The following IRF8 variants were observed in gnomAD, a reference collection of about 807,000 sequenced individuals.
IRF8 encodes interferon regulatory factor 8, also known as interferon consensus sequence binding protein 1.
Under a neutral mutation model 48.7 loss-of-function variants are expected in IRF8, and 14 were observed. That is an observed-to-expected ratio of 0.29 (90% confidence interval 0.19 to 0.45). The LOEUF is 0.45. Among genes scored for constraint, IRF8 ranks in the 20% least tolerant of loss-of-function variants. The probability of loss-of-function intolerance (pLI) is 1.00; values close to 1 mark genes in which losing one functional copy is unlikely to be tolerated. For synonymous variants in IRF8, 278 were observed against 227.3 expected (o/e 1.22, Z -2.01); for missense variants, 493 against 580.7 (o/e 0.85, Z 1.55).
Position 85,920,194 on chromosome 16 carries a change from C to A in IRF8, c.1074C>A (p.Ala358=). 1 of 1,612,074 alleles carries A rather than the reference C, an allele frequency of 6.2e-7. No homozygotes were observed. Among genetic ancestry groups the A allele is most frequent in the South Asian group, 1.1e-5 (1 of 91,038 alleles). The change falls in exon 8 of 9, where the codon GCC becomes GCA. Residue 358 remains alanine, a synonymous_variant. Transcript: ENST00000268638. The part of the protein sequence containing the change: ...LCFGEEFPDM[A]PLRSKLILVQ... ...TTGGGGAAGAGTTTCCGGATATGGCCCCCTTGCGCTCCAAACTCATTCTCG... is the reference window on the plus strand; with the variant it reads ...TTGGGGAAGAGTTTCCGGATATGGCACCCTTGCGCTCCAAACTCATTCTCG...
intron 1 of IRF8, among the ~76,000 whole-genome samples, chr16:85,899,810 T>C (rs1904769184): frequency 6.6e-6 from 1 of 152,222 alleles, no homozygotes. Context: ...AAGCATTGTT[T>C]GAAAAAATTT....
chr16:85,904,434 A>C (rs1904926242), intron 2 of IRF8, among the ~76,000 whole-genome samples: 1 of 152,204 alleles, frequency 6.6e-6, no homozygotes, highest in African/African-American at 2.4e-5. Flanking sequence ...AAATGACAAA[A>C]GATCACACCT....
chr16:85,914,538 C>G lies in IRF8; in HGVS notation c.601+18C>G, dbSNP rs751750587. On this transcript the variant is annotated intron_variant, in intron 6 of 8. Transcript: ENST00000268638. ...CCATTCAGGTACGGGGTGGTCCGGGCTGAGAGGGGCGTGGGCACTGTTTGA... is the reference window on the plus strand; with the variant it reads ...CCATTCAGGTACGGGGTGGTCCGGGGTGAGAGGGGCGTGGGCACTGTTTGA... 1.2e-6 allele frequency: 2 copies of G among 1,613,882 alleles called. No homozygotes were observed. Among genetic ancestry groups the G allele is most frequent in the South Asian group, 1.1e-5 (1 of 91,086 alleles).
In IRF8 at chr16:85,903,203, C is replaced by T. The variant is rs1486129386; in HGVS notation, c.174+14C>T. On this transcript the variant is annotated intron_variant, in intron 2 of 8. Coordinates refer to ENST00000268638, the MANE Select transcript of IRF8 (RefSeq NM_002163.4). ...TCCATTTTTAAGGTAAAGAGCCCAG[C>T]TCCCTTCCCCACTGTGGGCACAGTG... 4 of 1,609,714 alleles carry T rather than the reference C, an allele frequency of 2.5e-6. No homozygotes were observed. The African/African-American group carries it at 5.3e-5, about 22-fold the overall frequency.
At position 85,922,188 on chromosome 16, in the gene IRF8, G is replaced by A. The variant is rs773593984; in HGVS notation, c.*906G>A. 6.6e-6 allele frequency: 1 copy of A among 152,394 alleles called. No homozygotes were observed. Among genetic ancestry groups the A allele is most frequent in the African/African-American group, 2.4e-5 (1 of 41,462 alleles). The allele number at this position is 152,394 out of a possible 1,614,324, so 9.4% of individuals were successfully genotyped here. On this transcript the variant is annotated 3_prime_UTR_variant, in exon 9 of 9. Transcript: ENST00000268638. ...CATTTTGAGAAGGTGGAAGGTGTTA[G>A]GGTTTGGGAGACAGCTCATCCAATC...
chr16:85,905,403 A>G (rs771933391), intron 2 of IRF8, among the ~76,000 whole-genome samples: 4 of 152,194 alleles, frequency 2.6e-5, no homozygotes, highest in African/African-American at 4.8e-5. Context: ...ATCTTATGCA[A>G]TGTTCTTCAT....
chr16:85,914,528 G>GTGGTCCGGGC lies in IRF8; in HGVS notation c.601+11_601+20dup. 1 of 1,614,080 alleles carries GTGGTCCGGGC rather than the reference G, an allele frequency of 6.2e-7. No individual in the cohort carries two copies. On this transcript the variant is annotated intron_variant, in intron 6 of 8. Coordinates refer to ENST00000268638, the MANE Select transcript of IRF8 (RefSeq NM_002163.4). Reference sequence around the variant, plus strand: ...ACGACGCGCACCATTCAGGTACGGGGTGGTCCGGGCTGAGAGGGGCGTGGG... The same window carrying GTGGTCCGGGC: ...ACGACGCGCACCATTCAGGTACGGGGTGGTCCGGGCTGGTCCGGGCTGAGAGGGGCGTGGG...
At chr16:85,908,198 T>C (rs1905056942) in intron 2 of IRF8, among the ~76,000 whole-genome samples, 1 of 152,248 alleles carries the variant, frequency 6.6e-6, no homozygotes, top group Admixed American at 6.5e-5. Flanking sequence ...AAGATAATTC[T>C]CATCTGACTG....
intron 1 of IRF8, among the ~76,000 whole-genome samples, chr16:85,901,511 A>C (rs1904825207): frequency 1.3e-5 from 2 of 152,112 alleles, no homozygotes; most frequent in Non-Finnish European, 2.9e-5. Context: ...CCAGGTACTC[A>C]AGGGGCTGAG....
intron 1 of IRF8, among the ~76,000 whole-genome samples, chr16:85,899,716 C>G (rs542719721): frequency 1.3e-5 from 2 of 152,308 alleles, no homozygotes; most frequent in South Asian, 2.1e-4. Flanking sequence ...ATTAAGATTT[C>G]TGAGTCTGGC....
intron 6 of IRF8, among the ~76,000 whole-genome samples, chr16:85,916,960 G>A (rs1381522736): frequency 2.0e-5 from 3 of 152,214 alleles, no homozygotes; most frequent in African/African-American, 7.2e-5. Context: ...GTGGACCAGA[G>A]CTTCTGCAGC....
intron 2 of IRF8, among the ~76,000 whole-genome samples, chr16:85,907,422 G>T (rs1269824424): frequency 6.6e-6 from 1 of 152,254 alleles, no homozygotes; most frequent in African/African-American, 2.4e-5. Context: ...GCTCACGCCT[G>T]TAAGCCCAGC....
chr16:85,899,763 T>C (rs137986356), intron 1 of IRF8, among the ~76,000 whole-genome samples: 1 of 152,354 alleles, frequency 6.6e-6, no homozygotes, highest in Non-Finnish European at 1.5e-5. Context: ...CCAGTCGTCC[T>C]TGGCAAGAGA....
rs371287033 is a variant in IRF8 at position 85,914,808 on chromosome 16, G to C, written c.601+288G>C. Among the ~76,000 whole-genome samples the C allele has an allele frequency of 7.2e-5, 11 of 152,038 alleles. No homozygotes were observed. The East Asian group carries it at 1.9e-3, about 27-fold the overall frequency. ...GGACCTCGTGTGGAAGTCTAGGCCC[G>C]GTTCTGAGGATGAGCAGGACCTGGT... is the stretch of plus-strand genomic sequence containing the variant. On this transcript the variant is annotated intron_variant, in intron 6 of 8. Transcript: ENST00000268638.
chr16:85,919,745 A>C (rs1905473527), intron 7 of IRF8, among the ~76,000 whole-genome samples: 1 of 152,106 alleles, frequency 6.6e-6, no homozygotes, highest in African/African-American at 2.4e-5. Flanking sequence ...TGGCTGTCAG[A>C]GATTCGGGTG....
Position 85,919,987 on chromosome 16 carries a change from C to T in IRF8, c.989-122C>T, listed in dbSNP as rs1433626044. 4 of 764,998 alleles carry T rather than the reference C, an allele frequency of 5.2e-6. No homozygotes were observed. The East Asian group carries it at 8.0e-5, about 15-fold the overall frequency. The allele number at this position is 764,998 out of a possible 1,614,324, so 47.4% of individuals were successfully genotyped here. A position where few individuals can be genotyped will look rare whatever the true frequency, so the allele number is the denominator to read the frequency against. ...GCCCAAGGGCCACCAGTTTGAGATCCCATGGTGCCCTGGCCTAAATGCTAC... is the reference window on the plus strand; with the variant it reads ...GCCCAAGGGCCACCAGTTTGAGATCTCATGGTGCCCTGGCCTAAATGCTAC... On this transcript the variant is annotated intron_variant, in intron 7 of 8. Coordinates refer to ENST00000268638, the MANE Select transcript of IRF8 (RefSeq NM_002163.4).
At chr16:85,918,184 C>A (rs1905381949) in intron 6 of IRF8, among the ~76,000 whole-genome samples, 1 of 152,216 alleles carries the variant, frequency 6.6e-6, no homozygotes, top group African/African-American at 2.4e-5. Flanking sequence ...GTACAGAGAA[C>A]ACTGTTGTAG....
chr16:85,921,292 T>C lies in IRF8; in HGVS notation c.*10T>C, dbSNP rs1469675326. On this transcript the variant is annotated 3_prime_UTR_variant, in exon 9 of 9. Transcript: ENST00000268638. ...ACAGATCACCGTCTAAGTGCGTCGCTTGGGCGCCCCACCCCGTCTGCGTCC... is the reference window on the plus strand; with the variant it reads ...ACAGATCACCGTCTAAGTGCGTCGCCTGGGCGCCCCACCCCGTCTGCGTCC... The C allele has an allele frequency of 3.1e-6, 5 of 1,613,058 alleles. No homozygotes were observed. The East Asian group carries it at 6.7e-5, about 22-fold the overall frequency.
chr16:85,908,838 T>G, intron 2 of IRF8, 152 bp from the exon 3 acceptor site: 1 of 748,914 alleles, frequency 1.3e-6, no homozygotes, highest in Non-Finnish European at 2.4e-6. Flanking sequence ...AGACATCTGA[T>G]TGGAGTCTCT....
Sources: allele counts gnomAD v4.1 joint callset (sites outside exome capture counted in the v4.1 genomes callset), GRCh38; gene constraint gnomAD v4.1.1; transcripts MANE v1.5; gene names NCBI Gene and HGNC (gene_info 2026-07-23, HGNC 2026-07-21).